The following UPP2 variants were observed in gnomAD, a reference collection of about 807,000 sequenced individuals.
The protein encoded by UPP2 is UPase 2.
UPP2 carries 23 observed loss-of-function variants against 26.7 expected under a neutral mutation model. The observed-to-expected ratio is 0.86, with a 90% CI of 0.62 to 1.22. The LOEUF (loss-of-function observed/expected upper bound fraction) is 1.22, where lower values mean the gene tolerates loss of function less well. UPP2 is among the 50% of genes most tolerant of loss of function. UPP2 has a pLI of 0.00. For missense variants in UPP2, 387 were observed against 396.7 expected, an observed-to-expected ratio of 0.98 and a Z score of 0.21; for synonymous variants, 127 against 141.3, an observed-to-expected ratio of 0.90 and a Z score of 0.72.
chr2:158,050,263 T>G, intron 3 of UPP2, among the ~76,000 whole-genome samples: 1 of 152,218 alleles, frequency 6.6e-6, no homozygotes. Flanking sequence ...TATCATTCTC[T>G]TCTGCATTTT....
chr2:158,038,176 T>C (rs1357648599), intron 3 of UPP2, among the ~76,000 whole-genome samples: 1 of 152,242 alleles, frequency 6.6e-6, no homozygotes, highest in Non-Finnish European at 1.5e-5. Flanking sequence ...AATTTAGTAT[T>C]TGTATCAATA....
At chr2:158,072,667 GAC>G (rs1285974598) in intron 3 of UPP2, among the ~76,000 whole-genome samples, 1 of 146,992 alleles carries the variant, frequency 6.8e-6, no homozygotes, top group Non-Finnish European at 1.5e-5. Context: ...CAGACAGACA[GAC>G]AGACAGACTC....
intron 3 of UPP2, among the ~76,000 whole-genome samples, chr2:158,040,915 A>T (rs1341048918): frequency 2.6e-5 from 4 of 152,310 alleles, no homozygotes; most frequent in South Asian, 2.1e-4. Context: ...TAGAGACAGA[A>T]TTTTCTCCTT....
At chr2:158,055,824 T>C (rs1248364374) in intron 3 of UPP2, among the ~76,000 whole-genome samples, 3 of 152,156 alleles carry the variant, frequency 2.0e-5, no homozygotes, top group Non-Finnish European at 2.9e-5. Flanking sequence ...CAGCCAGCCA[T>C]TTAAGCTTAA....
intron 3 of UPP2, among the ~76,000 whole-genome samples, chr2:158,032,536 G>A (rs187103167): frequency 6.6e-6 from 1 of 152,266 alleles, no homozygotes; most frequent in Admixed American, 6.5e-5. Context: ...GGGTGGTGAG[G>A]GCAGTGGCAG....
intron 3 of UPP2, among the ~76,000 whole-genome samples, chr2:158,044,405 G>A (rs895833227): frequency 6.6e-5 from 10 of 152,006 alleles, no homozygotes; most frequent in Non-Finnish European, 1.2e-4. Context: ...TGTAAGTCTC[G>A]GGGCAGGAGA....
At chr2:158,056,263 C>T (rs1682243118) in intron 3 of UPP2, among the ~76,000 whole-genome samples, 1 of 151,008 alleles carries the variant, frequency 6.6e-6, no homozygotes, top group Non-Finnish European at 1.5e-5. Context: ...TGCAGAGCTC[C>T]CATCTACCCC....
intron 3 of UPP2, among the ~76,000 whole-genome samples, chr2:158,038,434 AAG>A (rs1684035864): frequency 6.6e-6 from 1 of 152,266 alleles, no homozygotes; most frequent in South Asian, 2.1e-4. Flanking sequence ...AAGCAAATCA[AAG>A]ATACTTTGTA....
chr2:158,046,859 T>A (rs749943660), intron 3 of UPP2, among the ~76,000 whole-genome samples: 15 of 152,218 alleles, frequency 9.9e-5, no homozygotes, highest in Non-Finnish European at 1.8e-4. Flanking sequence ...AATCAGTCCA[T>A]TCTTTCTCAT....
chr2:158,067,514 T>G (rs2024128), intron 3 of UPP2, among the ~76,000 whole-genome samples: 117,567 of 152,052 alleles, frequency 0.77, 46,446 homozygotes, highest in African/African-American at 0.93. Flanking sequence ...AGAAGCAAAA[T>G]TTGTAAAGGA....
chr2:158,051,652 G>A (rs1375668802), intron 3 of UPP2, among the ~76,000 whole-genome samples: 1 of 151,974 alleles, frequency 6.6e-6, no homozygotes, highest in Non-Finnish European at 1.5e-5. Context: ...GTGGTGGCGG[G>A]CACCTGTAAT....
chr2:158,046,747 A>C (rs1473254829), intron 3 of UPP2, among the ~76,000 whole-genome samples: 1 of 152,080 alleles, frequency 6.6e-6, no homozygotes, highest in East Asian at 1.9e-4. Flanking sequence ...ATTCCTACAA[A>C]CCTCTCCACT....
rs1682957241 is a variant in UPP2, at chr2:158,094,461, T to C, written c.148-7579T>C. Among the ~76,000 whole-genome samples the C allele has an allele frequency of 2.6e-5, 4 of 152,328 alleles. No homozygotes were observed. In the South Asian group the frequency reaches 8.3e-4, roughly 32 times the overall value. On this transcript the variant is annotated intron_variant, in intron 3 of 9. Transcript: ENST00000605860. ...TTAAATAAAAAACCAAGTAAAGTGT[T>C]CAAAAGAATAACATTTTTGAAAAGT... is the stretch of plus-strand genomic sequence containing the variant.
At chr2:158,125,420 CTT>C (rs11313905) in intron 6 of UPP2, among the ~76,000 whole-genome samples, 54 of 142,448 alleles carry the variant, frequency 3.8e-4, no homozygotes, top group African/African-American at 7.7e-4. Context: ...TTTTTGTACT[CTT>C]TTTTTTTTTT....
chr2:158,134,116 T>C (rs1275288296), intron 6 of UPP2: 1 of 152,252 alleles, frequency 6.6e-6, no homozygotes, highest in East Asian at 1.9e-4. Context: ...TCTCATTCTT[T>C]AGAAATCAAA....
At chr2:158,107,938 A>C (rs1035801858) in intron 2 of UPP2, among the ~76,000 whole-genome samples, 1 of 152,142 alleles carries the variant, frequency 6.6e-6, no homozygotes, top group Admixed American at 6.6e-5. Flanking sequence ...AGAGTCATTG[A>C]TCAAGGCGGT....
At position 158,134,830 on chromosome 2, in the gene UPP2, G is replaced by C. The variant is rs925599326; in HGVS notation, c.894G>C (p.Gln298His). The change falls in exon 7 of 7, where the codon CAG (glutamine) becomes CAC (histidine). Residue 298 changes from glutamine to histidine, a missense_variant. Physicochemically the swap from Gln to His is conservative, Grantham distance 24. Transcript: ENST00000005756. The stretch of plus-strand genomic sequence containing the variant: ...CTCATGATGTCCTGGTGGAGTACCA[G>C]CAACGGCCTCAGCTCCTAATCTCCA... ...NLPHDVLVEY[Q>H]QRPQLLISNF... 1.2e-6 allele frequency: 2 copies of C among 1,613,670 alleles called. No homozygotes were observed. Among genetic ancestry groups the C allele is most frequent in the Non-Finnish European group, 1.7e-6 (2 of 1,179,756 alleles).
chr2:158,049,417 C>T (rs1373081807), intron 3 of UPP2, among the ~76,000 whole-genome samples: 1 of 152,212 alleles, frequency 6.6e-6, no homozygotes, highest in African/African-American at 2.4e-5. Flanking sequence ...AAGTGATTTT[C>T]AGCTGCAGTA....
chr2:158,064,100 A>G (rs1682396910), intron 3 of UPP2, among the ~76,000 whole-genome samples: 1 of 152,170 alleles, frequency 6.6e-6, no homozygotes. Flanking sequence ...TAATCCTTTC[A>G]GTATATACCC....
Sources: gnomAD v4.1 joint callset for allele counts (sites outside exome capture counted in the v4.1 genomes callset) on GRCh38, gnomAD v4.1.1 for gene constraint, MANE v1.5 for transcripts, NCBI Gene and HGNC (gene_info 2026-07-23, HGNC 2026-07-21) for gene names.